The following KANK1 variants were observed in gnomAD, a reference collection of about 807,000 sequenced individuals.
KANK1 encodes the protein KN motif and ankyrin repeat domain-containing protein 1.
KANK1 carries 109 observed loss-of-function variants against 106.2 expected under a neutral mutation model. The observed-to-expected ratio is 1.03, with a 90% confidence interval of 0.88 to 1.20. The LOEUF (loss-of-function observed/expected upper bound fraction) is 1.20, where lower values mean the gene tolerates loss of function less well. Among genes scored for constraint, KANK1 ranks in the 50% most tolerant of loss-of-function variants. KANK1 has a pLI of 0.00. For missense variants in KANK1, 2,399 were observed against 1,710.7 expected, an observed-to-expected ratio of 1.40 and a Z score of -7.10; for synonymous variants, 873 against 652.2, an observed-to-expected ratio of 1.34 and a Z score of -5.16.
intron 1 of KANK1, among the ~76,000 whole-genome samples, chr9:589,769 A>T (rs138728760): frequency 6.6e-6 from 1 of 152,276 alleles, no homozygotes; most frequent in Non-Finnish European, 1.5e-5. Context: ...CTGGAGAGTA[A>T]AAGTGGTAGG....
chr9:718,538 G>C (rs952861466), intron 3 of KANK1, among the ~76,000 whole-genome samples: 14 of 151,830 alleles, frequency 9.2e-5, no homozygotes, highest in Non-Finnish European at 1.9e-4. Context: ...TTGAACTTTT[G>C]GGCTCAAGCA....
At chr9:636,495 C>T (rs1234253008) in intron 1 of KANK1, among the ~76,000 whole-genome samples, 1 of 152,146 alleles carries the variant, frequency 6.6e-6, no homozygotes, top group African/African-American at 2.4e-5. Flanking sequence ...ATCATGGAGG[C>T]TCAGTCAGTT....
chr9:579,178 C>T (rs1821366453), intron 1 of KANK1, among the ~76,000 whole-genome samples: 1 of 152,104 alleles, frequency 6.6e-6, no homozygotes, highest in Non-Finnish European at 1.5e-5. Context: ...AGGGCTGGTG[C>T]CCTCCACGTA....
chr9:732,825 C>T, intron 6 of KANK1: 2 of 457,676 alleles, frequency 4.4e-6, no homozygotes, highest in Middle Eastern at 5.9e-4. Context: ...ACCTAATCAC[C>T]CTTGTTTTCT....
At chr9:720,800 T>G (rs890879366) in intron 3 of KANK1, among the ~76,000 whole-genome samples, 3 of 152,198 alleles carry the variant, frequency 2.0e-5, no homozygotes, top group African/African-American at 4.8e-5. Flanking sequence ...CAGCCTGTAA[T>G]TACTCCTGTT....
At chr9:513,109 CTA>C (rs1176470413) in intron 1 of KANK1, among the ~76,000 whole-genome samples, 2 of 152,200 alleles carry the variant, frequency 1.3e-5, no homozygotes, top group African/African-American at 4.8e-5. Flanking sequence ...TGGGAATTGC[CTA>C]TGAGTGTGTC....
At chr9:518,795 G>A (rs1372236125) in intron 1 of KANK1, among the ~76,000 whole-genome samples, 1 of 151,666 alleles carries the variant, frequency 6.6e-6, no homozygotes, top group Non-Finnish European at 1.5e-5. Context: ...ACTCTGGCAG[G>A]AAGTAAAGGG....
chr9:508,444 ATACATCTTAAGAG>A (rs1173353728), intron 1 of KANK1, among the ~76,000 whole-genome samples: 1 of 152,186 alleles, frequency 6.6e-6, no homozygotes, highest in Non-Finnish European at 1.5e-5. Flanking sequence ...GCCTGTAGCT[ATACATCTTAAGAG>A]TACATCTTCA....
At chr9:524,107 T>TA (rs1563714265) in intron 1 of KANK1, among the ~76,000 whole-genome samples, 1 of 151,770 alleles carries the variant, frequency 6.6e-6, no homozygotes, top group South Asian at 2.1e-4. Flanking sequence ...GGAAAACGTT[T>TA]ATTTCCTTGA....
chr9:698,084 C>T (rs1254757771), intron 2 of KANK1, among the ~76,000 whole-genome samples: 7 of 152,138 alleles, frequency 4.6e-5, no homozygotes, highest in Non-Finnish European at 1.0e-4. Context: ...CCAGGCCTAT[C>T]GTCTACCTTT....
At chr9:626,524 CTGTTT>C (rs1330988235) in intron 1 of KANK1, among the ~76,000 whole-genome samples, 1 of 152,122 alleles carries the variant, frequency 6.6e-6, no homozygotes, top group Non-Finnish European at 1.5e-5. Flanking sequence ...TCTGTGTTTT[CTGTTT>C]TGTTTTTGTA....
chr9:719,197 A>G (rs976220210), intron 3 of KANK1, among the ~76,000 whole-genome samples: 1 of 151,872 alleles, frequency 6.6e-6, no homozygotes, highest in Non-Finnish European at 1.5e-5. Context: ...TCGATCTTCT[A>G]ACCTCATGAT....
intron 1 of KANK1, among the ~76,000 whole-genome samples, chr9:666,230 A>G (rs10975651): frequency 0.3 from 44,803 of 151,742 alleles, 7,069 homozygotes; most frequent in South Asian, 0.48. Context: ...GTGTAGATAC[A>G]ATAAATTAGA....
At chr9:482,064 C>A (rs1247009832) in intron 3 of KANK1, among the ~76,000 whole-genome samples, 1 of 152,118 alleles carries the variant, frequency 6.6e-6, no homozygotes, top group Non-Finnish European at 1.5e-5. Context: ...CCTCTCCCTT[C>A]TTATGAACTA....
chr9:476,487 C>G (rs2058105676), intron 3 of KANK1: 1 of 152,146 alleles, frequency 6.6e-6, no homozygotes, highest in Non-Finnish European at 1.5e-5. Context: ...CGCCACTGCA[C>G]TCCAGCCTGG....
At chr9:514,146 T>TCTCCCTCCCTCCCTC (rs2059162005) in intron 1 of KANK1, among the ~76,000 whole-genome samples, 1 of 36,568 alleles carries the variant, frequency 2.7e-5, no homozygotes, top group Non-Finnish European at 4.3e-5. Flanking sequence ...CTCCCTCCCT[T>TCTCCCTCCCTCCCTC]CCTCTCTCCC....
At chr9:669,518 G>GTT (rs76289962) in intron 1 of KANK1, among the ~76,000 whole-genome samples, 1 of 151,800 alleles carries the variant, frequency 6.6e-6, no homozygotes, top group African/African-American at 2.4e-5. Flanking sequence ...GTTTTTTGGG[G>GTT]TTTTTTCTTT....
chr9:734,904 A>G, intron 7 of KANK1, 69 bp downstream of exon 7: 1 of 1,117,262 alleles, frequency 9.0e-7, no homozygotes, highest in Non-Finnish European at 1.4e-6. Flanking sequence ...TGTCAAGGCC[A>G]GCTGTAGGCT....
At chr9:586,184 G>C (rs1264482704) in intron 1 of KANK1, among the ~76,000 whole-genome samples, 2 of 152,218 alleles carry the variant, frequency 1.3e-5, no homozygotes, top group Non-Finnish European at 2.9e-5. Context: ...ACTTGTCTAA[G>C]TTTGGCAGAG....
Sources: gnomAD v4.1 joint callset for allele counts (sites outside exome capture counted in the v4.1 genomes callset) on GRCh38, gnomAD v4.1.1 for gene constraint, MANE v1.5 for transcripts, NCBI Gene and HGNC (gene_info 2026-07-23, HGNC 2026-07-21) for gene names.